Variants in ZNF550 observed in about 807,000 individuals in gnomAD.
ZNF550 encodes zinc finger protein 550.
Under a neutral mutation model 40.2 loss-of-function variants are expected in ZNF550, and 42 were observed. The observed-to-expected ratio is 1.05, with a 90% CI of 0.82 to 1.35. The LOEUF (loss-of-function observed/expected upper bound fraction) is 1.35. Ranked by LOEUF, ZNF550 falls within the 40% of genes most tolerant of loss-of-function variation. ZNF550 has a pLI of 0.00. For missense variants in ZNF550, 549 were observed against 525.2 expected, an observed-to-expected ratio of 1.05 and a Z score of -0.44; for synonymous variants, 223 against 198.6, an observed-to-expected ratio of 1.12 and a Z score of -1.03.
chr19:57,546,836 G>C, exon 4 of ZNF550: 4 of 1,419,296 alleles, frequency 2.8e-6, no homozygotes, highest in Non-Finnish European at 2.8e-6. Flanking sequence ...AGTTAAGAAA[G>C]AGCTGACAAA....
intron 1 of ZNF550, among the ~76,000 whole-genome samples, chr19:57,558,352 G>A (rs868848770): frequency 1.3e-5 from 2 of 152,194 alleles, no homozygotes; most frequent in Admixed American, 1.3e-4. Context: ...AAGAAGATGC[G>A]GTCAAAAGGG....
At chr19:57,544,959 TA>T (rs796350402) in intron 4 of ZNF550, among the ~76,000 whole-genome samples, 2 of 152,046 alleles carry the variant, frequency 1.3e-5, no homozygotes, top group South Asian at 2.1e-4. Context: ...CTGTCTCTAC[TA>T]AAAATACAAA....
rs748416712 is a variant in ZNF550 at position 57,547,916 on chromosome 19, T to G, written c.328A>C (p.Ser110Arg). 10 of 1,614,032 alleles carry G rather than the reference T, an allele frequency of 6.2e-6. No homozygotes were observed. The Admixed American group carries it at 1.7e-4, about 27-fold the overall frequency. Residue 110 changes from serine (S) to arginine (R), a missense_variant, in exon 4 of 5, where the codon AGC (serine) becomes CGC (arginine). Transcript: ENST00000457177. ...GAGGTTGAAGATTCCAGAGTCAGGCTTCCCCGGAGAAAGGCCCGCTCAGAT... is the reference window on the plus strand; with the variant it reads ...GAGGTTGAAGATTCCAGAGTCAGGCGTCCCCGGAGAAAGGCCCGCTCAGAT...
exon 5 of ZNF550, chr19:57,543,044 T>C (rs1600169666): frequency 6.0e-6 from 1 of 167,776 alleles, no homozygotes; most frequent in African/African-American, 2.4e-5. Context: ...CATTGTGAGA[T>C]GGCTTGTTTA....
chr19:57,555,909 TTCTC>T (rs1193680557), intron 2 of ZNF550: 1 of 322,382 alleles, frequency 3.1e-6, no homozygotes, highest in Admixed American at 4.5e-5. Context: ...ACTCACCCCT[TTCTC>T]TAAGAACAGC....
intron 1 of ZNF550, among the ~76,000 whole-genome samples, chr19:57,558,689 T>C (rs1411931467): frequency 6.6e-6 from 1 of 152,116 alleles, no homozygotes; most frequent in East Asian, 1.9e-4. Flanking sequence ...ACGAGACCTC[T>C]TTAAGCAGCG....
chr19:57,560,834 A>G (rs997000610), upstream of ZNF550, among the ~76,000 whole-genome samples: 2 of 152,192 alleles, frequency 1.3e-5, no homozygotes, highest in African/African-American at 4.8e-5. Flanking sequence ...CCTAGCCCCA[A>G]TCCTGTTTGT....
At chr19:57,542,824 C>T (rs2089973161) in exon 5 of ZNF550, 2 of 152,082 alleles carry the variant, frequency 1.3e-5, no homozygotes, top group Non-Finnish European at 2.9e-5. Flanking sequence ...GCCTCTGTGA[C>T]CAAATTTCCC....
At chr19:57,552,558 G>A in intron 3 of ZNF550, 69 bp downstream of exon 3, 2 of 1,235,562 alleles carry the variant, frequency 1.6e-6, no homozygotes, top group Non-Finnish European at 1.1e-6. Flanking sequence ...CAGAAATTCA[G>A]AGGCAGTGGT....
chr19:57,556,251 C>T, exon 2 of ZNF550: 4 of 1,614,098 alleles, frequency 2.5e-6, no homozygotes, highest in Non-Finnish European at 3.4e-6. Context: ...CAGAAGCCCA[C>T]AGGTCTCCAG....
At chr19:57,555,384 G>A (rs7246710) in intron 2 of ZNF550, 27,207 of 152,286 alleles carry the variant, frequency 0.18, 2,537 homozygotes, top group Middle Eastern at 0.22. Context: ...AGTCACCCAG[G>A]CTAGAATGCA....
At chr19:57,545,793 A>G (rs1434940136) in intron 4 of ZNF550, among the ~76,000 whole-genome samples, 1 of 152,192 alleles carries the variant, frequency 6.6e-6, no homozygotes, top group Non-Finnish European at 1.5e-5. Context: ...CAGGTGGACC[A>G]CTTGAAGCCA....
intron 4 of ZNF550, chr19:57,544,488 C>A: frequency 1.0e-6 from 1 of 985,408 alleles, no homozygotes; most frequent in Non-Finnish European, 1.2e-6. Context: ...GCCACAGCTA[C>A]AATACATGCA....
chr19:57,547,909 G>C (rs922303467), exon 4 of ZNF550: 2 of 1,614,124 alleles, frequency 1.2e-6, no homozygotes, highest in South Asian at 1.1e-5. Context: ...AGATTCCAGA[G>C]TCAGGCTTCC....
rs562411626 is a variant in ZNF550 at position 57,547,092 on chromosome 19, C to T, written c.1152G>A (p.Thr384=). ...GGATGACAGAGTGCTGAATGAGGTA[C>T]GTGCTCCGGTGAAAGGCTTTCCCAC... Residue 384 remains threonine (T), a synonymous_variant, in exon 4 of 5, where the codon ACG becomes ACA. Coordinates refer to ENST00000457177, the Ensembl canonical transcript of ZNF550. 5.0e-6 allele frequency: 8 copies of T among 1,610,248 alleles called. No individual in the cohort carries two copies. The Admixed American group carries it at 5.0e-5, about 10-fold the overall frequency.
At chr19:57,544,231 T>A (rs944967775) in intron 4 of ZNF550, 85 of 985,324 alleles carry the variant, frequency 8.6e-5, no homozygotes, top group Non-Finnish European at 1.0e-4. Flanking sequence ...CTCATGAGAT[T>A]CTTGCCTATC....
chr19:57,547,195 T>C (rs141163690), exon 4 of ZNF550: 4 of 1,611,584 alleles, frequency 2.5e-6, no homozygotes, highest in South Asian at 1.1e-5. Context: ...TCTGAAGGCC[T>C]TTCCACATGC....
exon 4 of ZNF550, chr19:57,547,902 T>A (rs2090037134): frequency 6.2e-7 from 1 of 1,614,114 alleles, no homozygotes; most frequent in Non-Finnish European, 8.5e-7. Flanking sequence ...AGGTTGAAGA[T>A]TCCAGAGTCA....
chr19:57,547,237 A>T, exon 4 of ZNF550: 1 of 1,614,076 alleles, frequency 6.2e-7, no homozygotes, highest in Non-Finnish European at 8.5e-7. Context: ...TCCAGTGTGG[A>T]TGATGTAATG....
Sources: allele counts gnomAD v4.1 joint callset (sites outside exome capture counted in the v4.1 genomes callset), GRCh38; gene constraint gnomAD v4.1.1; transcripts MANE v1.5; gene names NCBI Gene and HGNC (gene_info 2026-07-23, HGNC 2026-07-21).